Variants in AAK1 observed in about 807,000 individuals in gnomAD.
AAK1 encodes AP2-associated protein kinase 1.
AAK1 carries 37 observed loss-of-function variants against 116.0 expected under a neutral mutation model. That is an observed-to-expected ratio of 0.32 (90% CI 0.25 to 0.42). The LOEUF (loss-of-function observed/expected upper bound fraction) is 0.42, where lower values mean the gene tolerates loss of function less well. AAK1 is among the 10% of genes least tolerant of loss of function. The pLI is 1.00. For missense variants in AAK1, 919 were observed against 1,170.6 expected (o/e 0.79, Z 3.14); for synonymous variants, 458 against 439.9 (o/e 1.04, Z -0.51).
intron 7 of AAK1, among the ~76,000 whole-genome samples, 154 bp downstream of exon 7, chr2:69,530,471 G>A (rs1019258912): frequency 2.0e-5 from 3 of 152,176 alleles, no homozygotes; most frequent in Non-Finnish European, 4.4e-5. Flanking sequence ...AGAAGCAGTG[G>A]CTGGTATTCT....
chr2:69,505,430 C>T, intron 16 of AAK1, 139 bp downstream of exon 16: 1 of 420,918 alleles, frequency 2.4e-6, no homozygotes, highest in Non-Finnish European at 4.1e-6. Flanking sequence ...TTAAATAGAC[C>T]ATGAAAAACA....
intron 2 of AAK1, among the ~76,000 whole-genome samples, chr2:69,640,822 T>C (rs923360640): frequency 6.6e-6 from 1 of 152,192 alleles, no homozygotes; most frequent in Non-Finnish European, 1.5e-5. Context: ...CTGGGCTCCC[T>C]AAAACTGGGG....
chr2:69,611,262 G>GCT (rs939854942), intron 2 of AAK1, among the ~76,000 whole-genome samples: 1 of 151,962 alleles, frequency 6.6e-6, no homozygotes, highest in Non-Finnish European at 1.5e-5. Flanking sequence ...GAGTCTTCTC[G>GCT]CTCTCTCTCT....
intron 17 of AAK1, among the ~76,000 whole-genome samples, chr2:69,484,964 C>T (rs1334600028): frequency 6.6e-6 from 1 of 151,894 alleles, no homozygotes. Context: ...TCACAGGGCA[C>T]TAACCAAGTA....
chr2:69,511,899 T>A (rs958861590), intron 13 of AAK1, among the ~76,000 whole-genome samples: 1 of 152,230 alleles, frequency 6.6e-6, no homozygotes, highest in South Asian at 2.1e-4. Flanking sequence ...AAGTGGTTTG[T>A]ATCTGTTCAG....
chr2:69,643,486 T>C (rs2105283431), intron 1 of AAK1, 89 bp downstream of exon 1: 1 of 1,216,844 alleles, frequency 8.2e-7, no homozygotes, highest in Non-Finnish European at 1.0e-6. Context: ...TCCGAGCTGC[T>C]CCGGCAGCGC....
rs114504643 is a variant in AAK1, at chr2:69,579,702, G to A, written c.164-22724C>T. ...TTCTTGATCTCCTTTAGAGTTGTTC[G>A]TCTTCCTCCTGTTCCTTAATTGCCA... On this transcript the variant is annotated intron_variant, in intron 2 of 21. Transcript: ENST00000409085. Among the ~76,000 whole-genome samples the A allele has an allele frequency of 3.5e-3, 533 of 152,160 alleles. 3 individuals are homozygous for A. The highest frequency in any genetic ancestry group is 0.012 in the African/African-American group (506 of 41,508).
intron 5 of AAK1, among the ~76,000 whole-genome samples, chr2:69,537,439 C>A (rs1010493192): frequency 1.3e-5 from 2 of 152,322 alleles, no homozygotes; most frequent in East Asian, 3.9e-4. Flanking sequence ...AACCAGCAGA[C>A]CCACAGGCAG....
At chr2:69,574,585 T>TA (rs1434871922) in intron 2 of AAK1, among the ~76,000 whole-genome samples, 7 of 148,388 alleles carry the variant, frequency 4.7e-5, no homozygotes, top group East Asian at 2.0e-4. Context: ...CCCATTGCCT[T>TA]AAAAAAATAA....
At position 69,470,997 on chromosome 2, in the gene AAK1, A is replaced by G; in HGVS notation, c.*4872T>C. ...TTCTTTACAGACTTTTTTTTATACA[A>G]TACTTGTGCAGCAATGTTCAAATTT... On this transcript the variant is annotated 3_prime_UTR_variant, in exon 22 of 22. Coordinates refer to ENST00000409085, the MANE Select transcript of AAK1 (RefSeq NM_014911.5). The G allele has an allele frequency of 1.0e-6, 1 of 985,822 alleles. No homozygotes were observed. The highest frequency in any genetic ancestry group is 1.2e-6 in the Non-Finnish European group (1 of 829,906). 61.1% of individuals were successfully genotyped at this position (985,822 alleles called of 1,614,324 possible). A position where few individuals can be genotyped will look rare whatever the true frequency, so the allele number is the denominator to read the frequency against.
rs182577597 is a variant in AAK1 at position 69,547,109 on chromosome 2, C to T, written c.283-2565G>A. 2.0e-3 allele frequency among the ~76,000 whole-genome samples: 298 copies of T among 152,218 alleles called. 1 individual carries two copies. Among genetic ancestry groups the T allele is most frequent in the African/African-American group, 7.0e-3 (291 of 41,534 alleles). ...AAGTGGGAATTATTTGGATCCCTAC[C>T]TCACACCATATACAAACATTAACTC... On this transcript the variant is annotated intron_variant, in intron 3 of 21. Coordinates refer to ENST00000409085, the MANE Select transcript of AAK1 (RefSeq NM_014911.5).
chr2:69,510,973 C>T (rs757596943), intron 13 of AAK1, among the ~76,000 whole-genome samples: 3 of 152,198 alleles, frequency 2.0e-5, no homozygotes, highest in Non-Finnish European at 4.4e-5. Flanking sequence ...GTGAGAATAT[C>T]CTTGTGACCA....
At chr2:69,477,685 T>C (rs890659475) in intron 20 of AAK1, among the ~76,000 whole-genome samples, 5 of 152,224 alleles carry the variant, frequency 3.3e-5, no homozygotes, top group African/African-American at 9.6e-5. Context: ...GCTGCTGACA[T>C]ACTCCTGCCA....
intron 18 of AAK1, chr2:69,482,507 A>G: frequency 1.5e-6 from 1 of 670,082 alleles, no homozygotes; most frequent in Non-Finnish European, 2.7e-6. Flanking sequence ...AAATCTCCAG[A>G]TATCAAGAAA....
chr2:69,496,341 C>T (rs185999831), intron 16 of AAK1, among the ~76,000 whole-genome samples: 79 of 136,822 alleles, frequency 5.8e-4, no homozygotes, highest in African/African-American at 2.4e-3. Context: ...GGCACAATCT[C>T]GGCTCACTGA....
intron 12 of AAK1, among the ~76,000 whole-genome samples, chr2:69,515,640 T>C (rs1455964753): frequency 6.6e-6 from 1 of 152,192 alleles, no homozygotes; most frequent in Non-Finnish European, 1.5e-5. Flanking sequence ...ACACTTCTTA[T>C]ATGTCTCTCT....
chr2:69,515,865 T>C (rs1676562071), intron 12 of AAK1, among the ~76,000 whole-genome samples: 1 of 151,996 alleles, frequency 6.6e-6, no homozygotes, highest in African/African-American at 2.4e-5. Context: ...TGCCTACTTA[T>C]AACAGCAAAA....
chr2:69,589,463 C>A (rs1192229322), intron 2 of AAK1, among the ~76,000 whole-genome samples: 2 of 151,930 alleles, frequency 1.3e-5, no homozygotes. Context: ...AATCCCAACA[C>A]TTTGGGAGGC....
At chr2:69,482,594 C>G in intron 18 of AAK1, 117 bp downstream of exon 18, 1 of 819,238 alleles carries the variant, frequency 1.2e-6, no homozygotes, top group Admixed American at 2.0e-5. Flanking sequence ...GATTAAATAG[C>G]CTTGGCTTCT....
Sources: gnomAD v4.1 joint callset for allele counts (sites outside exome capture counted in the v4.1 genomes callset) on GRCh38, gnomAD v4.1.1 for gene constraint, MANE v1.5 for transcripts, NCBI Gene and HGNC (gene_info 2026-07-23, HGNC 2026-07-21) for gene names.